The following SERINC1 variants were observed in gnomAD, a reference collection of about 807,000 sequenced individuals.
SERINC1 encodes the protein tumor differentially expressed protein 2.
SERINC1 carries 38 observed loss-of-function variants against 52.9 expected under a neutral mutation model. That is an observed-to-expected ratio of 0.72 (90% CI 0.55 to 0.94). The LOEUF (loss-of-function observed/expected upper bound fraction) is 0.94. Among genes scored for constraint, SERINC1 ranks in the 40% least tolerant of loss-of-function variants. The probability of loss-of-function intolerance (pLI) is 0.00; values close to 1 mark genes in which losing one functional copy is unlikely to be tolerated. For synonymous variants in SERINC1, 198 were observed against 183.1 expected (o/e 1.08, Z -0.66); for missense variants, 471 against 533.9 (o/e 0.88, Z 1.16).
chr6:122,462,541 G>A (rs1470195699), intron 1 of SERINC1, among the ~76,000 whole-genome samples: 3 of 152,118 alleles, frequency 2.0e-5, no homozygotes, highest in Non-Finnish European at 1.5e-5. Flanking sequence ...AGGACCATTT[G>A]AGCCTAGGAG....
At chr6:122,460,365 G>A (rs764343378) in intron 1 of SERINC1, among the ~76,000 whole-genome samples, 18 of 152,248 alleles carry the variant, frequency 1.2e-4, no homozygotes, top group Non-Finnish European at 2.4e-4. Context: ...GTGGCCCACC[G>A]CGCCCAGCCA....
At chr6:122,454,332 G>A in intron 3 of SERINC1, 102 bp from the exon 4 acceptor site, 1 of 647,568 alleles carries the variant, frequency 1.5e-6, no homozygotes, top group Middle Eastern at 4.3e-4. Context: ...TACACTTTAT[G>A]TGAATGTTCT....
intron 1 of SERINC1, among the ~76,000 whole-genome samples, chr6:122,461,254 A>C (rs867247929): frequency 1.4e-4 from 22 of 152,252 alleles, no homozygotes; most frequent in Admixed American, 1.3e-3. Flanking sequence ...TCACATCATA[A>C]TCAAATTACT....
chr6:122,462,803 A>G (rs1245548816), intron 1 of SERINC1, among the ~76,000 whole-genome samples: 1 of 152,218 alleles, frequency 6.6e-6, no homozygotes, highest in Non-Finnish European at 1.5e-5. Flanking sequence ...AATAATGAAA[A>G]CTACAAAACA....
At chr6:122,457,306 T>C (rs1234685593) in intron 2 of SERINC1, among the ~76,000 whole-genome samples, 3 of 152,184 alleles carry the variant, frequency 2.0e-5, no homozygotes, top group Non-Finnish European at 4.4e-5. Flanking sequence ...AAGTAAGAGA[T>C]TTTGGCAGAG....
intron 7 of SERINC1, among the ~76,000 whole-genome samples, chr6:122,450,083 G>C (rs566287288): frequency 6.6e-6 from 1 of 152,152 alleles, no homozygotes; most frequent in Non-Finnish European, 1.5e-5. Context: ...AGACAACATA[G>C]ACTTCTATTG....
At chr6:122,446,739 T>C in intron 9 of SERINC1, 35 bp downstream of exon 9, 1 of 1,380,402 alleles carries the variant, frequency 7.2e-7, no homozygotes, top group Non-Finnish European at 1.0e-6. Flanking sequence ...GCCATCAGAA[T>C]TCACACATCC....
chr6:122,462,276 C>T (rs1025177364), intron 1 of SERINC1, among the ~76,000 whole-genome samples: 19 of 152,148 alleles, frequency 1.2e-4, no homozygotes, highest in African/African-American at 3.6e-4. Context: ...TAATTAATGA[C>T]GAAAGTCTGA....
chr6:122,445,023 C>T lies in SERINC1; in HGVS notation c.*21G>A. ...CAAATAAGCAATAATCAAAGTGGGA[C>T]TTTCATGCTAGAAGTCTCACTCAGT... On this transcript the variant is annotated 3_prime_UTR_variant, in exon 10 of 10. Transcript: ENST00000339697. 2 of 1,602,678 alleles carry T rather than the reference C, an allele frequency of 1.2e-6. No individual in the cohort carries two copies. The highest frequency in any genetic ancestry group is 1.7e-6 in the Non-Finnish European group (2 of 1,175,512).
chr6:122,448,255 T>C (rs1306123597), intron 7 of SERINC1, among the ~76,000 whole-genome samples: 2 of 152,176 alleles, frequency 1.3e-5, no homozygotes, highest in African/African-American at 2.4e-5. Flanking sequence ...GGCTATTTCC[T>C]TCTCTAAAGC....
At chr6:122,454,035 A>G in intron 4 of SERINC1, 116 bp downstream of exon 4, 1 of 1,097,374 alleles carries the variant, frequency 9.1e-7, no homozygotes, top group Non-Finnish European at 1.3e-6. Context: ...CAACTGGGGA[A>G]ACACACACAC....
rs142579024 is a variant in SERINC1, at chr6:122,469,563, G to A, written c.39+2136C>T. Among the ~76,000 whole-genome samples the A allele has an allele frequency of 3.1e-3, 469 of 148,952 alleles. 12 individuals carry two copies. The East Asian group carries it at 0.082, about 26-fold the overall frequency. On this transcript the variant is annotated intron_variant, in intron 1 of 9. Transcript: ENST00000339697. ...GATTTTTGTTTTTTTGTTTTGTTTT[G>A]TTTTGTTTTCTGAGATGGAGTCTTG...
chr6:122,451,085 G>A (rs1393177647), intron 7 of SERINC1, among the ~76,000 whole-genome samples: 2 of 152,138 alleles, frequency 1.3e-5, no homozygotes, highest in Non-Finnish European at 2.9e-5. Flanking sequence ...ATGCTACAGA[G>A]AAATATTTTG....
chr6:122,444,774 C>A lies in SERINC1; in HGVS notation c.*270G>T. ...AAATTTGTTTTTACTCTTCATTTCA[C>A]AACTATAGAGCAGAGAATAAGCCCA... is the stretch of plus-strand genomic sequence containing the variant. On this transcript the variant is annotated 3_prime_UTR_variant, in exon 10 of 10. Coordinates refer to ENST00000339697, the MANE Select transcript of SERINC1 (RefSeq NM_020755.4). 2 of 324,388 alleles carry A rather than the reference C, an allele frequency of 6.2e-6. No homozygotes were observed. Among genetic ancestry groups the A allele is most frequent in the Non-Finnish European group, 5.6e-6 (1 of 179,126 alleles). 20.1% of individuals were successfully genotyped at this position (324,388 alleles called of 1,614,324 possible). A position where few individuals can be genotyped will look rare whatever the true frequency, so the allele number is the denominator to read the frequency against.
intron 1 of SERINC1, among the ~76,000 whole-genome samples, chr6:122,465,884 A>G (rs1204566554): frequency 6.6e-6 from 1 of 152,202 alleles, no homozygotes; most frequent in East Asian, 1.9e-4. Context: ...ATAAAAATAA[A>G]GATTTTTTTA....
At chr6:122,458,482 T>C (rs1775040056) in intron 2 of SERINC1, 38 bp downstream of exon 2, 8 of 1,482,426 alleles carry the variant, frequency 5.4e-6, no homozygotes, top group Non-Finnish European at 7.5e-6. Flanking sequence ...ATATACCCTA[T>C]AGCCTCAGTT....
intron 1 of SERINC1, among the ~76,000 whole-genome samples, chr6:122,468,802 G>C (rs779063194): frequency 1.3e-5 from 2 of 151,926 alleles, no homozygotes; most frequent in Non-Finnish European, 2.9e-5. Context: ...AATTTAGGAG[G>C]TTGGCAAAAA....
intron 7 of SERINC1, among the ~76,000 whole-genome samples, chr6:122,448,085 C>T (rs1000460401): frequency 1.4e-5 from 2 of 146,506 alleles, no homozygotes; most frequent in African/African-American, 2.5e-5. Flanking sequence ...TCCAGCCTAA[C>T]GACAGAGCGA....
intron 1 of SERINC1, among the ~76,000 whole-genome samples, chr6:122,471,185 C>T (rs977164585): frequency 6.6e-6 from 1 of 151,940 alleles, no homozygotes; most frequent in African/African-American, 2.4e-5. Flanking sequence ...TACTGCCAGG[C>T]GGTTCCAAAT....
Sources: allele counts gnomAD v4.1 joint callset (sites outside exome capture counted in the v4.1 genomes callset), GRCh38; gene constraint gnomAD v4.1.1; transcripts MANE v1.5; gene names NCBI Gene and HGNC (gene_info 2026-07-23, HGNC 2026-07-21).